The following DACT1 variants were observed in gnomAD, a reference collection of about 807,000 sequenced individuals.
The protein encoded by DACT1 is dapper homolog 1.
In DACT1, 19 loss-of-function variants were observed where a neutral mutation model predicts 35.3. The observed-to-expected ratio is 0.54, with a 90% CI of 0.38 to 0.79. The LOEUF (loss-of-function observed/expected upper bound fraction) is 0.79, where lower values mean the gene tolerates loss of function less well. Ranked by LOEUF, DACT1 falls within the 30% of genes least tolerant of loss-of-function variation. DACT1 has a pLI of 0.00. For synonymous variants in DACT1, 545 were observed against 466.7 expected (o/e 1.17, Z -2.16); for missense variants, 1,143 against 1,057.5 (o/e 1.08, Z -1.12).
At position 58,647,132 on chromosome 14, in the gene DACT1, T is replaced by G; in HGVS notation, c.2398T>G (p.Ter800GlyextTer6). The G allele has an allele frequency of 5.0e-6, 8 of 1,613,316 alleles. No individual in the cohort carries two copies. Among genetic ancestry groups the G allele is most frequent in the Non-Finnish European group, 6.8e-6 (8 of 1,179,868 alleles). ...CTCTTTGAAACTGATGACGACGGTT[T>G]GAGTGACATCATTGGTGTAGAAAGT... The part of the protein sequence containing the change: ...SGSLKLMTTV[*>G] The change falls in exon 4 of 4, where the codon TGA becomes GGA. Residue 800 changes from the stop codon to glycine (G), a stop_lost. Transcript: ENST00000395153.
chr14:58,643,408 C>T (rs2047645543), intron 3 of DACT1, among the ~76,000 whole-genome samples: 1 of 152,188 alleles, frequency 6.6e-6, no homozygotes, highest in South Asian at 2.1e-4. Flanking sequence ...TGGGTATAAG[C>T]CTGAATTTTT....
In DACT1 at chr14:58,647,254, A is replaced by G. The variant is rs901833435; in HGVS notation, c.*120A>G. ...TTAATGGAATGCTTTTTAAAAAAAT[A>G]TAAAACCAAGGTAAATTATTGTTTC... is the stretch of plus-strand genomic sequence containing the variant. On this transcript the variant is annotated 3_prime_UTR_variant, in exon 4 of 4. Transcript: ENST00000395153. 4 of 1,206,972 alleles carry G rather than the reference A, an allele frequency of 3.3e-6. 1 individual carries two copies. Among genetic ancestry groups the G allele is most frequent in the Non-Finnish European group, 4.7e-6 (4 of 854,402 alleles). The allele number at this position is 1,206,972 out of a possible 1,614,324, so 74.8% of individuals were successfully genotyped here. A position where few individuals can be genotyped will look rare whatever the true frequency, so the allele number is the denominator to read the frequency against.
In DACT1 at chr14:58,645,438, C is replaced by T. The variant is rs2047664080; in HGVS notation, c.704C>T (p.Pro235Leu). 3.1e-6 allele frequency: 5 copies of T among 1,614,100 alleles called. No individual in the cohort carries two copies. The highest frequency in any genetic ancestry group is 4.2e-6 in the Non-Finnish European group (5 of 1,180,044). The stretch of plus-strand genomic sequence containing the variant: ...AATGATGTATATCGCTATCCCAGTC[C>T]ACTTCATGCTGTGGCTGTGCAGAGC... ...NGNDVYRYPS[P>L]LHAVAVQSPM... The change falls in exon 4 of 4, where the codon CCA becomes CTA. Residue 235 changes from proline to leucine, a missense_variant. Pro to Leu is a moderately conservative substitution (Grantham distance 98). Coordinates refer to ENST00000395153, the MANE Select transcript of DACT1 (RefSeq NM_001079520.2).
intron 1 of DACT1, chr14:58,639,370 T>C: frequency 3.1e-6 from 2 of 645,014 alleles, no homozygotes; most frequent in Non-Finnish European, 3.9e-6. Context: ...GATGAACAGC[T>C]TTTGACCCCG....
intron 3 of DACT1, 111 bp downstream of exon 3, chr14:58,641,858 T>A (rs1000561370): frequency 9.5e-7 from 1 of 1,057,426 alleles, no homozygotes; most frequent in African/African-American, 1.6e-5. Flanking sequence ...GGTTCATCAC[T>A]TTGCGGCATT....
chr14:58,638,610 G>T (rs2047597880), intron 1 of DACT1, 63 bp downstream of exon 1: 1 of 1,280,806 alleles, frequency 7.8e-7, no homozygotes, highest in Non-Finnish European at 9.9e-7. Flanking sequence ...TCGGGCAGGT[G>T]GCCTGGGGCG....
intron 3 of DACT1, among the ~76,000 whole-genome samples, chr14:58,642,475 A>AC (rs1566507980): frequency 2.7e-5 from 4 of 150,044 alleles, no homozygotes; most frequent in African/African-American, 9.8e-5. Context: ...CAGAGAGAAA[A>AC]AAAAAACAAA....
intron 3 of DACT1, among the ~76,000 whole-genome samples, chr14:58,643,280 C>G (rs1020373821): frequency 2.0e-5 from 3 of 152,214 alleles, no homozygotes; most frequent in Non-Finnish European, 4.4e-5. Context: ...CTCAAGACTC[C>G]TTCCTTAGTC....
At chr14:58,640,979 G>C in intron 2 of DACT1, 111 bp downstream of exon 2, 2 of 1,207,950 alleles carry the variant, frequency 1.7e-6, no homozygotes, top group South Asian at 3.2e-5. Flanking sequence ...TTCCAGTGCA[G>C]AGAGGATAAA....
Position 58,647,846 on chromosome 14 carries a change from C to T in DACT1, c.*712C>T, listed in dbSNP as rs2140222433. The T allele has an allele frequency of 6.0e-6, 1 of 167,200 alleles. No individual in the cohort carries two copies. Among genetic ancestry groups the T allele is most frequent in the African/African-American group, 2.4e-5 (1 of 41,568 alleles). The allele number at this position is 167,200 out of a possible 1,614,324, so 10.4% of individuals were successfully genotyped here. On this transcript the variant is annotated 3_prime_UTR_variant, in exon 4 of 4. Coordinates refer to ENST00000395153, the MANE Select transcript of DACT1 (RefSeq NM_001079520.2). Reference sequence around the variant, plus strand: ...ACATTTAGATGCCTTCTTTTCCCTCCCTAATTTGTAGCCAGTCCAACCTTT... The same window carrying T: ...ACATTTAGATGCCTTCTTTTCCCTCTCTAATTTGTAGCCAGTCCAACCTTT...
Position 58,646,167 on chromosome 14 carries a change from T to A in DACT1, c.1433T>A (p.Leu478Gln). Reference sequence around the variant, plus strand: ...AAAAAGATGTCACAGAAAAACAGCCTGCAGGGCGTCCCCCCGGCCACTCCT... The same window carrying A: ...AAAAAGATGTCACAGAAAAACAGCCAGCAGGGCGTCCCCCCGGCCACTCCT... ...PLKKMSQKNS[L>Q]QGVPPATPPL... Residue 478 changes from leucine to glutamine, a missense_variant, in exon 4 of 4, where the codon CTG becomes CAG. Around this residue, in one of 3 missense-constraint regions of DACT1, gnomAD observed 1,054 missense variants for 958.8 expected, o/e 1.10. Coordinates refer to ENST00000395153, the MANE Select transcript of DACT1 (RefSeq NM_001079520.2). 3.7e-6 allele frequency: 6 copies of A among 1,613,630 alleles called. No homozygotes were observed. The highest frequency in any genetic ancestry group is 5.1e-6 in the Non-Finnish European group (6 of 1,179,884).
Position 58,647,078 on chromosome 14 carries a change from A to G in DACT1, c.2344A>G (p.Lys782Glu). 1 of 1,614,134 alleles carries G rather than the reference A, an allele frequency of 6.2e-7. No individual in the cohort carries two copies. Among genetic ancestry groups the G allele is most frequent in the South Asian group, 1.1e-5 (1 of 91,084 alleles). Residue 782 changes from lysine to glutamate, a missense_variant, in exon 4 of 4, where the codon AAG becomes GAG. This residue lies in a region of DACT1 where 1,054 missense variants were observed against 958.8 expected (regional missense o/e 1.10). Transcript: ENST00000395153. ...FVKIKASHNL[K>E]KKILRFRSGS... ...CAAAATTAAGGCCTCACATAACCTC[A>G]AGAAGAAGATCCTCCGCTTTCGGTC...
Position 58,646,308 on chromosome 14 carries a change from G to C in DACT1, c.1574G>C (p.Gly525Ala). Reference protein sequence around the residue: ...AHLVKAQFIPGQQPSVRLHRG... With the variant: ...AHLVKAQFIPAQQPSVRLHRG... ...CTGGTCAAGGCCCAGTTTATCCCGG[G>C]GCAGCAGCCCAGTGTCAGGCTCCAC... The change falls in exon 4 of 4, where the codon GGG (glycine) becomes GCG (alanine). Residue 525 changes from glycine (G) to alanine (A), a missense_variant. Gly to Ala is a moderately conservative substitution (Grantham distance 60). Transcript: ENST00000395153. The C allele has an allele frequency of 6.2e-7, 1 of 1,610,616 alleles. No individual in the cohort carries two copies. Among genetic ancestry groups the C allele is most frequent in the Non-Finnish European group, 8.5e-7 (1 of 1,179,138 alleles).
rs546558001 is a variant in DACT1, at chr14:58,647,077, C to G, written c.2343C>G (p.Leu781=). ...TCAAAATTAAGGCCTCACATAACCT[C>G]AAGAAGAAGATCCTCCGCTTTCGGT... The part of the protein sequence containing the change: ...TFVKIKASHN[L]KKKILRFRSG... Residue 781 remains leucine, a synonymous_variant, in exon 4 of 4, where the codon CTC becomes CTG. Transcript: ENST00000395153. 5 of 1,614,202 alleles carry G rather than the reference C, an allele frequency of 3.1e-6. No individual in the cohort carries two copies. The highest frequency in any genetic ancestry group is 2.2e-5 in the South Asian group (2 of 91,090).
At chr14:58,642,471 G>GAA (rs199540754) in intron 3 of DACT1, among the ~76,000 whole-genome samples, 31 of 142,910 alleles carry the variant, frequency 2.2e-4, no homozygotes, top group African/African-American at 7.4e-4. Flanking sequence ...GCGGCAGAGA[G>GAA]AAAAAAAAAA....
In DACT1 at chr14:58,638,067, C is replaced by T; in HGVS notation, c.-136C>T. On this transcript the variant is annotated 5_prime_UTR_variant, in exon 1 of 4. Coordinates refer to ENST00000395153, the MANE Select transcript of DACT1 (RefSeq NM_001079520.2). ...GGTCGCGCGCAGGACTCGAGGGCTTCTAGCCACCGTCCCCGCCAGCGCCGC... is the reference window on the plus strand; with the variant it reads ...GGTCGCGCGCAGGACTCGAGGGCTTTTAGCCACCGTCCCCGCCAGCGCCGC... 1.0e-6 allele frequency: 1 copy of T among 976,624 alleles called. No individual in the cohort carries two copies. Among genetic ancestry groups the T allele is most frequent in the Non-Finnish European group, 1.3e-6 (1 of 768,156 alleles). 60.5% of individuals were successfully genotyped at this position (976,624 alleles called of 1,614,324 possible). A position where few individuals can be genotyped will look rare whatever the true frequency, so the allele number is the denominator to read the frequency against.
chr14:58,646,669 G>C lies in DACT1; in HGVS notation c.1935G>C (p.Ser645=). The C allele has an allele frequency of 6.2e-7, 1 of 1,612,434 alleles. No homozygotes were observed. The highest frequency in any genetic ancestry group is 8.5e-7 in the Non-Finnish European group (1 of 1,179,714). Residue 645 remains serine, a synonymous_variant, in exon 4 of 4, where the codon TCG becomes TCC. Coordinates refer to ENST00000395153, the MANE Select transcript of DACT1 (RefSeq NM_001079520.2). ...KRTDYRRWKS[S]AEISYEEALR... ...CTGACTACCGGCGGTGGAAGTCCTC[G>C]GCCGAGATTTCCTACGAAGAGGCCC...
In DACT1 at chr14:58,647,164, GT is replaced by G. The variant is rs750950942; in HGVS notation, c.*39del. 32 of 1,573,810 alleles carry G rather than the reference GT, an allele frequency of 2.0e-5. No individual in the cohort carries two copies. Among genetic ancestry groups the G allele is most frequent in the African/African-American group, 8.3e-5 (6 of 72,146 alleles). Reference sequence around the variant, plus strand: ...CATCATTGGTGTAGAAAGTTTGTGTGTTTTTTTTTCTTCTCCCTAGTTGCCA... The same window carrying G: ...CATCATTGGTGTAGAAAGTTTGTGTGTTTTTTTTCTTCTCCCTAGTTGCCA... On this transcript the variant is annotated 3_prime_UTR_variant, in exon 4 of 4. Transcript: ENST00000395153.
chr14:58,645,950 G>T lies in DACT1; in HGVS notation c.1216G>T (p.Ala406Ser). 6.2e-7 allele frequency: 1 copy of T among 1,613,780 alleles called. No homozygotes were observed. The highest frequency in any genetic ancestry group is 8.5e-7 in the Non-Finnish European group (1 of 1,180,008). The change falls in exon 4 of 4, where the codon GCT (alanine) becomes TCT (serine). Residue 406 changes from alanine to serine, a missense_variant. This residue lies in a region of DACT1 where 1,054 missense variants were observed against 958.8 expected (regional missense o/e 1.10). Transcript: ENST00000395153. ...VPLPEGCPSG[A>S]ASDLQSKHLP... is the part of the protein sequence containing the mutation. Reference sequence around the variant, plus strand: ...CCTGCCAGAGGGCTGCCCCTCAGGCGCTGCCTCCGACCTTCAGAGTAAGCA... The same window carrying T: ...CCTGCCAGAGGGCTGCCCCTCAGGCTCTGCCTCCGACCTTCAGAGTAAGCA...
Sources: allele counts gnomAD v4.1 joint callset (sites outside exome capture counted in the v4.1 genomes callset), GRCh38; gene constraint gnomAD v4.1.1; regional missense constraint gnomAD v4.1.1; transcripts MANE v1.5; gene names NCBI Gene and HGNC (gene_info 2026-07-23, HGNC 2026-07-21).